Variants in GADL1 observed in about 807,000 individuals in gnomAD.
GADL1 encodes the protein GAD like acidic amino acid decarboxylase 1.
Under a neutral mutation model 69.5 loss-of-function variants are expected in GADL1, and 71 were observed. That is an observed-to-expected ratio of 1.02 (90% CI 0.84 to 1.25). The LOEUF is 1.25. Ranked by LOEUF, GADL1 falls within the 50% of genes most tolerant of loss-of-function variation. The probability of loss-of-function intolerance (pLI) is 0.00; values close to 1 mark genes in which losing one functional copy is unlikely to be tolerated. For missense variants in GADL1, 737 were observed against 631.8 expected (o/e 1.17, Z -1.79); for synonymous variants, 254 against 214.4 (o/e 1.18, Z -1.62).
At chr3:30,813,311 A>G (rs1017166078) in intron 11 of GADL1, among the ~76,000 whole-genome samples, 5 of 152,142 alleles carry the variant, frequency 3.3e-5, no homozygotes, top group African/African-American at 9.7e-5. Context: ...GCCTGGAAAA[A>G]ATATATTTAT....
chr3:30,884,228 C>T (rs77434209), intron 1 of GADL1, among the ~76,000 whole-genome samples: 1 of 151,910 alleles, frequency 6.6e-6, no homozygotes, highest in Non-Finnish European at 1.5e-5. Flanking sequence ...ATATTTGAAC[C>T]GCATATGGTG....
At chr3:30,878,943 G>C (rs1698610563) in intron 1 of GADL1, among the ~76,000 whole-genome samples, 1 of 151,900 alleles carries the variant, frequency 6.6e-6, no homozygotes, top group East Asian at 1.9e-4. Context: ...CTGTTTAACT[G>C]TGTAAACATG....
chr3:30,871,086 A>T lies in GADL1; in HGVS notation c.38-9321T>A, dbSNP rs534433890. On this transcript the variant is annotated intron_variant, in intron 1 of 14. Transcript: ENST00000282538. ...GTGTGTGTGTGTGTGTGTGTCCAAG[A>T]AACTCAAGTACTTCTGTTTGTCCAA... 5.9e-5 allele frequency among the ~76,000 whole-genome samples: 6 copies of T among 102,114 alleles called. No individual in the cohort carries two copies. The South Asian group carries it at 1.7e-3, about 30-fold the overall frequency. The allele number at this position is 102,114 out of a possible 152,430, so 67.0% of individuals were successfully genotyped here. A position where few individuals can be genotyped will look rare whatever the true frequency, so the allele number is the denominator to read the frequency against.
chr3:30,757,294 C>A (rs1695997539), intron 14 of GADL1, among the ~76,000 whole-genome samples: 1 of 152,074 alleles, frequency 6.6e-6, no homozygotes, highest in African/African-American at 2.4e-5. Flanking sequence ...AATCAACCTA[C>A]CCAGCCTGAC....
intron 14 of GADL1, among the ~76,000 whole-genome samples, chr3:30,756,315 G>A (rs567188140): frequency 2.0e-4 from 30 of 152,274 alleles, no homozygotes; most frequent in Non-Finnish European, 4.0e-4. Context: ...GAAGGAAATT[G>A]ACTATCTAGG....
intron 1 of GADL1, among the ~76,000 whole-genome samples, chr3:30,889,973 C>T (rs1401156583): frequency 6.6e-6 from 1 of 152,148 alleles, no homozygotes; most frequent in Admixed American, 6.5e-5. Flanking sequence ...ATCTAGCCAC[C>T]TAGAACCTCT....
At chr3:30,847,820 C>T (rs764728742) in intron 6 of GADL1, among the ~76,000 whole-genome samples, 13 of 152,172 alleles carry the variant, frequency 8.5e-5, no homozygotes, top group Non-Finnish European at 1.8e-4. Context: ...TTCACAACTA[C>T]ATAAGGTTTC....
rs766950398 is a variant in GADL1 at position 30,778,291 on chromosome 3, AGTT to A, written c.1303-26_1303-24del. ...AGGCTGAGAATTAGAAAAAATATAA[AGTT>A]GTTATCTTAAGATTTATCTTAGAAT... is the stretch of plus-strand genomic sequence containing the variant. On this transcript the variant is annotated intron_variant, in intron 13 of 14. Coordinates refer to ENST00000282538, the MANE Select transcript of GADL1 (RefSeq NM_207359.3). 68 of 1,416,468 alleles carry A rather than the reference AGTT, an allele frequency of 4.8e-5. No individual in the cohort carries two copies. The African/African-American group carries it at 6.8e-4, about 14-fold the overall frequency. The allele number at this position is 1,416,468 out of a possible 1,614,324, so 87.7% of individuals were successfully genotyped here.
intron 1 of GADL1, among the ~76,000 whole-genome samples, chr3:30,888,270 A>G (rs779270931): frequency 6.6e-6 from 1 of 152,208 alleles, no homozygotes; most frequent in Admixed American, 6.5e-5. Flanking sequence ...TGGGGCACAT[A>G]GAAGAGCCTT....
chr3:30,779,457 T>A (rs1447466190), intron 13 of GADL1, among the ~76,000 whole-genome samples: 1 of 152,224 alleles, frequency 6.6e-6, no homozygotes, highest in Non-Finnish European at 1.5e-5. Flanking sequence ...TAAAAAGTAG[T>A]TTAAAATGAA....
intron 5 of GADL1, 124 bp from the exon 6 acceptor site, chr3:30,850,235 G>T (rs1337532577): frequency 3.0e-6 from 2 of 662,368 alleles, no homozygotes; most frequent in Non-Finnish European, 5.4e-6. Flanking sequence ...ACCGTGAAAA[G>T]CACATGAACA....
At chr3:30,741,112 G>GTATATATATATATATATATA in intron 14 of GADL1, among the ~76,000 whole-genome samples, 1 of 113,910 alleles carries the variant, frequency 8.8e-6, no homozygotes, top group Non-Finnish European at 1.6e-5. Flanking sequence ...TGTATTCCTA[G>GTATATATATATATATATATA]TATATATATA....
At chr3:30,775,940 C>T (rs1377114382) in intron 14 of GADL1, among the ~76,000 whole-genome samples, 1 of 152,126 alleles carries the variant, frequency 6.6e-6, no homozygotes, top group African/African-American at 2.4e-5. Flanking sequence ...AAAAATTCAG[C>T]TAAGCATGAT....
chr3:30,787,694 T>C (rs1696826444), intron 12 of GADL1, among the ~76,000 whole-genome samples: 1 of 152,186 alleles, frequency 6.6e-6, no homozygotes, highest in Non-Finnish European at 1.5e-5. Flanking sequence ...ATTCAACTAA[T>C]ATTTAAAGAC....
chr3:30,804,081 G>A (rs1341497193), intron 11 of GADL1, among the ~76,000 whole-genome samples: 1 of 152,180 alleles, frequency 6.6e-6, no homozygotes, highest in Non-Finnish European at 1.5e-5. Context: ...ATTAGGACTT[G>A]TACAGTGGCA....
intron 14 of GADL1, among the ~76,000 whole-genome samples, chr3:30,770,361 C>T (rs139890245): frequency 2.6e-5 from 4 of 152,288 alleles, no homozygotes; most frequent in East Asian, 3.9e-4. Context: ...AGACCTTACA[C>T]GAACAGACGC....
chr3:30,889,084 T>TATAAAAAAAAA (rs1698748582), intron 1 of GADL1, among the ~76,000 whole-genome samples: 3 of 32,916 alleles, frequency 9.1e-5, no homozygotes, highest in Non-Finnish European at 2.0e-4. Flanking sequence ...CGGTAATCTA[T>TATAAAAAAAAA]AAAAAAAAAA....
intron 12 of GADL1, among the ~76,000 whole-genome samples, chr3:30,788,178 C>T (rs948638090): frequency 2.6e-5 from 4 of 152,128 alleles, no homozygotes; most frequent in African/African-American, 7.2e-5. Flanking sequence ...AATTCCATTG[C>T]TCAACAGATA....
intron 13 of GADL1, among the ~76,000 whole-genome samples, chr3:30,782,218 AATAG>A (rs1696680692): frequency 2.0e-5 from 3 of 152,272 alleles, no homozygotes; most frequent in Admixed American, 1.3e-4. Flanking sequence ...CACTATAGGA[AATAG>A]ATCTCATCTT....
Sources: allele counts gnomAD v4.1 joint callset (sites outside exome capture counted in the v4.1 genomes callset), GRCh38; gene constraint gnomAD v4.1.1; transcripts MANE v1.5; gene names NCBI Gene and HGNC (gene_info 2026-07-23, HGNC 2026-07-21).